ADH1A: variants seen among roughly 807,000 people sequenced by gnomAD.
The protein encoded by ADH1A is alcohol dehydrogenase 1A (class I), alpha polypeptide.
A neutral mutation model predicts 35.2 loss-of-function variants in ADH1A; 29 were observed. The ratio of observed to expected loss-of-function variants is 0.82; its 90% CI spans 0.61 to 1.12. The LOEUF is 1.12. ADH1A is among the 50% of genes most tolerant of loss of function. The pLI, the probability that ADH1A is intolerant of heterozygous loss-of-function variation, is 0.00. For missense variants in ADH1A, 469 were observed against 464.7 expected (o/e 1.01, Z -0.09); for synonymous variants, 147 against 164.8 (o/e 0.89, Z 0.83).
At chr4:99,279,995 G>T in intron 7 of ADH1A, 149 bp downstream of exon 7, 2 of 1,158,778 alleles carry the variant, frequency 1.7e-6, no homozygotes, top group Non-Finnish European at 2.5e-6. Context: ...GCCTGCATTA[G>T]TTCCATATCT....
chr4:99,279,163 GA>G (rs1337048937), intron 8 of ADH1A, among the ~76,000 whole-genome samples: 7 of 151,292 alleles, frequency 4.6e-5, no homozygotes, highest in Non-Finnish European at 4.4e-5. Flanking sequence ...CTCTTTTAAA[GA>G]AGGCTGAGTG....
intron 1 of ADH1A, among the ~76,000 whole-genome samples, chr4:99,289,717 G>C (rs1733244268): frequency 6.6e-6 from 1 of 152,150 alleles, no homozygotes; most frequent in African/African-American, 2.4e-5. Flanking sequence ...GTGCCCAAGA[G>C]GGGAGGCAAT....
intron 7 of ADH1A, 65 bp from the exon 8 acceptor site, chr4:99,279,629 T>A (rs978812984): frequency 5.0e-5 from 78 of 1,544,584 alleles, no homozygotes; most frequent in Non-Finnish European, 6.3e-5. Flanking sequence ...AAGAGAAGAT[T>A]TTCCAAATAA....
chr4:99,278,480 A>C (rs1299773155), intron 8 of ADH1A: 1 of 152,112 alleles, frequency 6.6e-6, no homozygotes, highest in Non-Finnish European at 1.5e-5. Flanking sequence ...GACACCGAGC[A>C]TTGCCTGGGA....
At chr4:99,286,794 G>A (rs770793618) in intron 3 of ADH1A, 56 bp downstream of exon 3, 26 of 1,599,160 alleles carry the variant, frequency 1.6e-5, no homozygotes, top group African/African-American at 2.7e-5. Flanking sequence ...TCCTCATTCA[G>A]GCTGGGAAAT....
At chr4:99,290,242 T>C (rs3805325) in intron 1 of ADH1A, among the ~76,000 whole-genome samples, 17,457 of 152,180 alleles carry the variant, frequency 0.11, 1,317 homozygotes, top group Admixed American at 0.25. Context: ...ATTAATTTTC[T>C]GTAAAACCAT....
rs755945498 is a variant in ADH1A at position 99,280,260 on chromosome 4, C to G, written c.848G>C (p.Cys283Ser). The change falls in exon 7 of 9, where the codon TGT becomes TCT. Residue 283 changes from cysteine (C) to serine (S), a missense_variant. By Grantham distance (112) the Cys-to-Ser change is moderately radical. Transcript: ENST00000209668. Reference protein sequence around the residue: ...LDTMMASLLCCHEACGTSVIV... With the variant: ...LDTMMASLLCSHEACGTSVIV... ...GACACTTGTGCCACATGCCTCATGA[C>G]AACATAACAGGGAAGCCATCTGGAA... 2.5e-6 allele frequency: 4 copies of G among 1,613,566 alleles called. No homozygotes were observed. The Admixed American group carries it at 6.7e-5, about 27-fold the overall frequency.
rs779115940 is a variant in ADH1A at position 99,279,502 on chromosome 4, A to G, written c.1027T>C (p.Leu343=). ...VADFMAKKFS[L]DALITHVLPF... is the part of the protein sequence containing the mutation. ...AAAACATGGGTTATTAATGCATCCA[A>G]TGAAAACTTCTTAGCCATAAAATCA... The change falls in exon 8 of 9, where the codon TTG becomes CTG. Residue 343 remains leucine, a synonymous_variant. Transcript: ENST00000209668. 40 of 1,612,350 alleles carry G rather than the reference A, an allele frequency of 2.5e-5. No homozygotes were observed. Among genetic ancestry groups the G allele is most frequent in the East Asian group, 8.9e-5 (4 of 44,768 alleles).
intron 8 of ADH1A, among the ~76,000 whole-genome samples, chr4:99,277,780 T>C (rs1460425301): frequency 6.6e-6 from 1 of 152,154 alleles, no homozygotes; most frequent in Non-Finnish European, 1.5e-5. Context: ...TGGAATTTAT[T>C]AAATCATTTT....
intron 7 of ADH1A, 87 bp from the exon 8 acceptor site, chr4:99,279,651 GA>G: frequency 6.7e-7 from 1 of 1,484,178 alleles, no homozygotes; most frequent in South Asian, 1.3e-5. Context: ...TGAAAGTTTA[GA>G]AAAGATGCTG....
At chr4:99,290,010 C>A (rs990981628) in intron 1 of ADH1A, among the ~76,000 whole-genome samples, 1 of 152,024 alleles carries the variant, frequency 6.6e-6, no homozygotes, top group African/African-American at 2.4e-5. Context: ...ACTGAGTTAT[C>A]ATAGTGAGAT....
Position 99,280,217 on chromosome 4 carries a change from A to T in ADH1A, c.891T>A (p.Pro297=), listed in dbSNP as rs1294639806. ...GGTTCATTGAGAGGTTTTGGGAATCAGGAGGTACCCCTACGATGACACTTG... is the reference window on the plus strand; with the variant it reads ...GGTTCATTGAGAGGTTTTGGGAATCTGGAGGTACCCCTACGATGACACTTG... The part of the protein sequence containing the change: ...CGTSVIVGVP[P]DSQNLSMNPM... The change falls in exon 7 of 9, where the codon CCT becomes CCA. Residue 297 remains proline, a synonymous_variant. Coordinates refer to ENST00000209668, the MANE Select transcript of ADH1A (RefSeq NM_000667.4). 1.2e-6 allele frequency: 2 copies of T among 1,613,956 alleles called. No individual in the cohort carries two copies.
intron 3 of ADH1A, among the ~76,000 whole-genome samples, chr4:99,285,567 GTAT>G (rs1733129823): frequency 6.6e-6 from 1 of 152,008 alleles, no homozygotes; most frequent in African/African-American, 2.4e-5. Context: ...GTTACTATTA[GTAT>G]TATTTAGTAG....
chr4:99,281,766 A>G (rs1733008278), intron 6 of ADH1A: 1 of 163,080 alleles, frequency 6.1e-6, no homozygotes, highest in South Asian at 1.7e-4. Context: ...CAAAGTATTC[A>G]GTCCTACTAG....
intron 1 of ADH1A, among the ~76,000 whole-genome samples, chr4:99,290,168 T>A (rs1371515058): frequency 6.6e-6 from 1 of 152,162 alleles, no homozygotes; most frequent in Admixed American, 6.5e-5. Flanking sequence ...ACAATTAAGA[T>A]ATTTATGGAA....
chr4:99,281,059 T>G (rs1031942874), intron 6 of ADH1A: 1 of 152,146 alleles, frequency 6.6e-6, no homozygotes, highest in African/African-American at 2.4e-5. Context: ...TGAGATAAGG[T>G]ACACTCCCGT....
intron 3 of ADH1A, 60 bp downstream of exon 3, chr4:99,286,790 T>C: frequency 1.3e-6 from 2 of 1,596,164 alleles, no homozygotes; most frequent in Non-Finnish European, 1.7e-6. Flanking sequence ...TGTTTCCTCA[T>C]TCAGGCTGGG....
chr4:99,276,890 T>A (rs1376967783), intron 8 of ADH1A, among the ~76,000 whole-genome samples: 2 of 152,166 alleles, frequency 1.3e-5, no homozygotes, highest in Non-Finnish European at 2.9e-5. Flanking sequence ...TAGACTTCAA[T>A]ACTACGTTAG....
chr4:99,282,698 C>A, intron 5 of ADH1A, 92 bp from the exon 6 acceptor site: 4 of 1,524,480 alleles, frequency 2.6e-6, no homozygotes, highest in African/African-American at 1.4e-5. Context: ...CTCTTCTGTT[C>A]AATCTGTTAT....
Sources: allele counts gnomAD v4.1 joint callset (sites outside exome capture counted in the v4.1 genomes callset), GRCh38; gene constraint gnomAD v4.1.1; transcripts MANE v1.5; gene names NCBI Gene and HGNC (gene_info 2026-07-23, HGNC 2026-07-21).